The following PLA2R1 variants were observed in gnomAD, a reference collection of about 807,000 sequenced individuals.
The protein encoded by PLA2R1 is phospholipase A2 receptor 1, also known as secretory phospholipase A2 receptor.
Under a neutral mutation model 195.9 loss-of-function variants are expected in PLA2R1, and 158 were observed. The observed-to-expected ratio is 0.81, with a 90% confidence interval of 0.71 to 0.92. The LOEUF (loss-of-function observed/expected upper bound fraction) is 0.92, where lower values mean the gene tolerates loss of function less well. PLA2R1 is among the 40% of genes least tolerant of loss of function. PLA2R1 has a pLI of 0.00. For synonymous variants in PLA2R1, 586 were observed against 598.2 expected (o/e 0.98, Z 0.30); for missense variants, 1,626 against 1,764.6 (o/e 0.92, Z 1.41).
Position 159,945,760 on chromosome 2 carries a change from T to C in PLA2R1, c.3968-678A>G, listed in dbSNP as rs1047212216. ...GAATTTAATGAGACTCTTGAACTAATACATTCAACTCAGTAAATACAGTGA... is the reference window on the plus strand; with the variant it reads ...GAATTTAATGAGACTCTTGAACTAACACATTCAACTCAGTAAATACAGTGA... On this transcript the variant is annotated intron_variant, in intron 27 of 29. Coordinates refer to ENST00000283243, the MANE Select transcript of PLA2R1 (RefSeq NM_007366.5). 4 of 980,538 alleles carry C rather than the reference T, an allele frequency of 4.1e-6. No individual in the cohort carries two copies. In the African/African-American group the frequency reaches 7.0e-5, roughly 17 times the overall value. 60.7% of individuals were successfully genotyped at this position (980,538 alleles called of 1,614,324 possible).
chr2:160,019,677 T>A (rs1428908148), intron 8 of PLA2R1, among the ~76,000 whole-genome samples: 4 of 152,208 alleles, frequency 2.6e-5, no homozygotes. Flanking sequence ...CTACTGCCCA[T>A]CTCTTACGAC....
chr2:159,957,146 G>C (rs1688144478), intron 20 of PLA2R1, among the ~76,000 whole-genome samples: 1 of 152,060 alleles, frequency 6.6e-6, no homozygotes, highest in South Asian at 2.1e-4. Flanking sequence ...AAGTCTATTG[G>C]GAAGAGCCAG....
Position 159,941,822 on chromosome 2 carries a change from C to T in PLA2R1, c.4348G>A (p.Glu1450Lys). 6.2e-7 allele frequency: 1 copy of T among 1,611,314 alleles called. No homozygotes were observed. The highest frequency in any genetic ancestry group is 8.5e-7 in the Non-Finnish European group (1 of 1,177,650). Reference sequence around the variant, plus strand: ...AGATCAGAAATGAGAATATTTTCTTCTAAATATACTGTACTAAAGTTGGTT... The same window carrying T: ...AGATCAGAAATGAGAATATTTTCTTTTAAATATACTGTACTAAAGTTGGTT... The part of the protein sequence containing the change: ...PATNFSTVYL[E>K]ENILISDLEK... The change falls in exon 30 of 30, where the codon GAA becomes AAA. Residue 1450 changes from glutamate (E) to lysine (K), a missense_variant. By Grantham distance (56) the Glu-to-Lys change is moderately conservative. Coordinates refer to ENST00000283243, the MANE Select transcript of PLA2R1 (RefSeq NM_007366.5).
At chr2:160,004,145 C>T (rs1691803099) in intron 11 of PLA2R1, among the ~76,000 whole-genome samples, 1 of 152,134 alleles carries the variant, frequency 6.6e-6, no homozygotes, top group Admixed American at 6.5e-5. Context: ...GGAGTACTTC[C>T]ACATTTTACT....
intron 5 of PLA2R1, 106 bp downstream of exon 5, chr2:160,028,744 T>C (rs751909262): frequency 8.7e-6 from 6 of 691,296 alleles, no homozygotes; most frequent in African/African-American, 1.8e-5. Context: ...AAAAAATGTT[T>C]ATACACTACT....
In PLA2R1 at chr2:159,988,156, C is replaced by CA. The variant is rs80154749; in HGVS notation, c.1835-799dup. Among the ~76,000 whole-genome samples, 799 of 146,238 alleles carry CA rather than the reference C, an allele frequency of 5.5e-3. 3 individuals carry two copies. The highest frequency in any genetic ancestry group is 0.014 in the African/African-American group (553 of 40,124). On this transcript the variant is annotated intron_variant, in intron 11 of 29. Coordinates refer to ENST00000283243, the MANE Select transcript of PLA2R1 (RefSeq NM_007366.5). Reference sequence around the variant, plus strand: ...AAAATCTATACAACTCATATGACAGCAAAAAAAAAAAAAAATACACTTCAA... The same window carrying CA: ...AAAATCTATACAACTCATATGACAGCAAAAAAAAAAAAAAAATACACTTCAA...
At chr2:160,047,553 G>A (rs1008207923) in intron 1 of PLA2R1, among the ~76,000 whole-genome samples, 11 of 152,112 alleles carry the variant, frequency 7.2e-5, no homozygotes, top group African/African-American at 9.7e-5. Context: ...GAGACACCAC[G>A]CTATCATCTT....
chr2:159,961,671 C>A (rs1688452980), intron 20 of PLA2R1, among the ~76,000 whole-genome samples: 1 of 152,180 alleles, frequency 6.6e-6, no homozygotes, highest in Non-Finnish European at 1.5e-5. Flanking sequence ...CTATTCCTTT[C>A]ATGGGAAGCA....
downstream of PLA2R1, among the ~76,000 whole-genome samples, chr2:159,929,776 A>C (rs1686546251): frequency 6.6e-6 from 1 of 152,056 alleles, no homozygotes; most frequent in South Asian, 2.1e-4. Context: ...CAATGAGTGG[A>C]TAAAGAAATT....
At chr2:159,986,366 T>C (rs1004365991) in intron 12 of PLA2R1, among the ~76,000 whole-genome samples, 1 of 151,794 alleles carries the variant, frequency 6.6e-6, no homozygotes, top group Non-Finnish European at 1.5e-5. Context: ...AGAAAAGGAG[T>C]ACTCAACCTG....
intron 8 of PLA2R1, among the ~76,000 whole-genome samples, chr2:160,018,050 T>A (rs188178247): frequency 9.4e-4 from 143 of 152,310 alleles, no homozygotes; most frequent in Admixed American, 4.6e-3. Context: ...TTATAATAAT[T>A]ATATTCATAC....
At chr2:160,056,460 C>T (rs1224304363) in intron 1 of PLA2R1, among the ~76,000 whole-genome samples, 1 of 152,212 alleles carries the variant, frequency 6.6e-6, no homozygotes, top group Non-Finnish European at 1.5e-5. Flanking sequence ...ACAAACACAG[C>T]TTGGATCTGG....
intron 3 of PLA2R1, among the ~76,000 whole-genome samples, chr2:160,040,441 A>G (rs1694456003): frequency 6.6e-6 from 1 of 152,182 alleles, no homozygotes; most frequent in South Asian, 2.1e-4. Flanking sequence ...ATCCCTGTAT[A>G]TAGATGTATA....
chr2:159,951,533 G>T lies in PLA2R1; in HGVS notation c.3347C>A (p.Pro1116His), dbSNP rs1687745705. The change falls in exon 24 of 30, where the codon CCC (proline) becomes CAC (histidine). Residue 1116 changes from proline to histidine, a missense_variant. Coordinates refer to ENST00000283243, the MANE Select transcript of PLA2R1 (RefSeq NM_007366.5). Reference protein sequence around the residue: ...GVNTSDMYPMPNTLEYGNRTY... With the variant: ...GVNTSDMYPMHNTLEYGNRTY... Reference sequence around the variant, plus strand: ...TCTGTTTCCATATTCTAAGGTATTGGGCATTGGATACATATCAGATGTATT... The same window carrying T: ...TCTGTTTCCATATTCTAAGGTATTGTGCATTGGATACATATCAGATGTATT... 2 of 1,600,488 alleles carry T rather than the reference G, an allele frequency of 1.2e-6. No homozygotes were observed. Among genetic ancestry groups the T allele is most frequent in the African/African-American group, 2.7e-5 (2 of 74,734 alleles).
chr2:160,004,563 T>C (rs1691842639), intron 11 of PLA2R1, among the ~76,000 whole-genome samples: 2 of 152,192 alleles, frequency 1.3e-5, no homozygotes, highest in South Asian at 2.1e-4. Context: ...CCAATTTGTA[T>C]AAAGAGCTCC....
At chr2:159,946,650 T>C in intron 27 of PLA2R1, 151 bp downstream of exon 27, 1 of 1,400,220 alleles carries the variant, frequency 7.1e-7, no homozygotes, top group African/African-American at 1.5e-5. Context: ...AGGGTTGCAA[T>C]GTTGTTTTTG....
chr2:160,000,027 ACCATGG>A (rs1242801407), intron 11 of PLA2R1, among the ~76,000 whole-genome samples: 1 of 152,282 alleles, frequency 6.6e-6, no homozygotes, highest in African/African-American at 2.4e-5. Context: ...AAAAGTATGA[ACCATGG>A]TAGCCAAACT....
chr2:160,006,942 A>T (rs1169928555), intron 10 of PLA2R1, among the ~76,000 whole-genome samples: 1 of 152,250 alleles, frequency 6.6e-6, no homozygotes, highest in Non-Finnish European at 1.5e-5. Flanking sequence ...AGAAGTAAAA[A>T]TTTTAAGTGC....
rs1686618379 is a variant in PLA2R1, at chr2:159,932,141, T to G, written c.*9637A>C. ...CCTTCACTTCACTTGGGACGTTTAG[T>G]ATAAGTTGCAGTAGCAATCGCAGGG... On this transcript the variant is annotated 3_prime_UTR_variant, in exon 30 of 30. Coordinates refer to ENST00000283243, the MANE Select transcript of PLA2R1 (RefSeq NM_007366.5). 6.6e-6 allele frequency: 1 copy of G among 152,250 alleles called. No homozygotes were observed. The highest frequency in any genetic ancestry group is 1.5e-5 in the Non-Finnish European group (1 of 68,048). 9.4% of individuals were successfully genotyped at this position (152,250 alleles called of 1,614,324 possible).
Sources: allele counts gnomAD v4.1 joint callset (sites outside exome capture counted in the v4.1 genomes callset), GRCh38; gene constraint gnomAD v4.1.1; transcripts MANE v1.5; gene names NCBI Gene and HGNC (gene_info 2026-07-23, HGNC 2026-07-21).